Variants in ODAD2 observed in about 807,000 individuals in gnomAD.
ODAD2 encodes outer dynein arm-docking complex subunit 2.
ODAD2 carries 89 observed loss-of-function variants against 106.8 expected under a neutral mutation model. The ratio of observed to expected loss-of-function variants is 0.83; its 90% confidence interval spans 0.70 to 0.99. The LOEUF is 0.99. ODAD2 is among the 50% of genes least tolerant of loss of function. The pLI is 0.00. For synonymous variants in ODAD2, 404 were observed against 436.2 expected (o/e 0.93, Z 0.92); for missense variants, 1,168 against 1,238.5 (o/e 0.94, Z 0.85).
At chr10:27,846,243 C>G (rs909419094) in intron 19 of ODAD2, among the ~76,000 whole-genome samples, 4 of 152,112 alleles carry the variant, frequency 2.6e-5, no homozygotes, top group Admixed American at 2.6e-4. Flanking sequence ...ACAGTGCAAT[C>G]AAACTAGAAC....
At chr10:27,942,979 T>C (rs1222806650) in intron 12 of ODAD2, among the ~76,000 whole-genome samples, 1 of 152,176 alleles carries the variant, frequency 6.6e-6, no homozygotes, top group East Asian at 1.9e-4. Flanking sequence ...AAAATCCATA[T>C]TTATCCAACA....
At chr10:27,987,696 T>G (rs1053202830) in intron 2 of ODAD2, among the ~76,000 whole-genome samples, 153 bp from the exon 3 acceptor site, 3 of 152,126 alleles carry the variant, frequency 2.0e-5, no homozygotes, top group Non-Finnish European at 4.4e-5. Context: ...GTTTTCCCAC[T>G]TTCTTCCACA....
intron 16 of ODAD2, among the ~76,000 whole-genome samples, chr10:27,929,823 T>C (rs993598553): frequency 1.3e-5 from 2 of 152,166 alleles, no homozygotes; most frequent in Non-Finnish European, 2.9e-5. Context: ...ATGTACTTAT[T>C]TTTTCCCTTC....
chr10:27,981,998 T>C (rs1179852394), intron 6 of ODAD2: 1 of 153,112 alleles, frequency 6.5e-6, no homozygotes, highest in African/African-American at 2.4e-5. Flanking sequence ...CATTTCTGTT[T>C]GTCACACTCT....
At chr10:27,923,951 A>G (rs543852784) in intron 16 of ODAD2, among the ~76,000 whole-genome samples, 2 of 62,524 alleles carry the variant, frequency 3.2e-5, no homozygotes, top group African/African-American at 1.5e-4. Flanking sequence ...CTAATGAAAG[A>G]AAGAAAGAAA....
intron 10 of ODAD2, among the ~76,000 whole-genome samples, chr10:27,952,410 T>G (rs182712037): frequency 4.7e-4 from 72 of 152,180 alleles, no homozygotes; most frequent in Non-Finnish European, 9.3e-4. Context: ...TTTTTTTACC[T>G]TAAGTTCTAG....
At chr10:27,835,301 C>T (rs982920830) in intron 19 of ODAD2, among the ~76,000 whole-genome samples, 6 of 152,186 alleles carry the variant, frequency 3.9e-5, no homozygotes, top group African/African-American at 1.4e-4. Context: ...TGAGTTGGTT[C>T]AATGTACAGG....
intron 10 of ODAD2, chr10:27,957,541 G>C (rs1847821348): frequency 6.6e-6 from 1 of 152,184 alleles, no homozygotes; most frequent in Non-Finnish European, 1.5e-5. Context: ...GCTGAAAAGG[G>C]GGTTCATTGC....
chr10:27,885,714 T>TAATATATAA (rs1491302428), intron 17 of ODAD2, among the ~76,000 whole-genome samples: 1 of 57,868 alleles, frequency 1.7e-5, no homozygotes, highest in Non-Finnish European at 3.0e-5. Context: ...AAAATATATA[T>TAATATATAA]TATATATTAT....
chr10:27,812,830 A>G (rs1293604869), intron 19 of ODAD2, among the ~76,000 whole-genome samples: 1 of 152,182 alleles, frequency 6.6e-6, no homozygotes, highest in Non-Finnish European at 1.5e-5. Flanking sequence ...ACCTTTCTGG[A>G]GCTGAATTAG....
chr10:27,946,356 G>A (rs1373120218), intron 10 of ODAD2, among the ~76,000 whole-genome samples: 1 of 151,306 alleles, frequency 6.6e-6, no homozygotes, highest in East Asian at 1.9e-4. Flanking sequence ...AAATCTTCTT[G>A]TGAATTCAAC....
chr10:27,890,104 A>T (rs1842463204), intron 17 of ODAD2, among the ~76,000 whole-genome samples: 1 of 152,224 alleles, frequency 6.6e-6, no homozygotes, highest in Non-Finnish European at 1.5e-5. Flanking sequence ...TCATGGAACA[A>T]ATGTGTGCAA....
At chr10:27,839,142 T>C (rs777640473) in intron 19 of ODAD2, among the ~76,000 whole-genome samples, 1 of 152,302 alleles carries the variant, frequency 6.6e-6, no homozygotes, top group African/African-American at 2.4e-5. Context: ...ATGATGATGT[T>C]AAGAAAAGGA....
intron 17 of ODAD2, among the ~76,000 whole-genome samples, chr10:27,888,712 T>C (rs1296568269): frequency 6.6e-6 from 1 of 152,128 alleles, no homozygotes; most frequent in Non-Finnish European, 1.5e-5. Flanking sequence ...CCACAATATA[T>C]CCACATAACA....
chr10:27,812,569 A>G lies in ODAD2; in HGVS notation c.3078T>C (p.Gly1026=). The G allele has an allele frequency of 6.2e-7, 1 of 1,613,292 alleles. No homozygotes were observed. The highest frequency in any genetic ancestry group is 1.7e-5 in the Admixed American group (1 of 59,732). ...PDQDLQEAAA[G]CISNIRRLAL... ...CCAGCCTGCGGATATTGGATATACA[A>G]CCAGCTGCAGCTTCCTGGAGATCCT... The change falls in exon 20 of 20, where the codon GGT becomes GGC. Residue 1026 remains glycine, a synonymous_variant. Transcript: ENST00000305242.
At position 27,828,183 on chromosome 10, in the gene ODAD2, T is replaced by C. The variant is rs535369807; in HGVS notation, c.3022-15558A>G. Among the ~76,000 whole-genome samples the C allele has an allele frequency of 5.3e-5, 8 of 152,280 alleles. No homozygotes were observed. The East Asian group carries it at 1.5e-3, about 29-fold the overall frequency. The stretch of plus-strand genomic sequence containing the variant: ...TTGATAGGGACATCTCTGAAGTTTC[T>C]AAGGCAAAAGTCAGAAGACAGTGAG... On this transcript the variant is annotated intron_variant, in intron 19 of 19. Coordinates refer to ENST00000305242, the MANE Select transcript of ODAD2 (RefSeq NM_018076.5).
chr10:27,851,364 G>C (rs1164068514), intron 19 of ODAD2, among the ~76,000 whole-genome samples: 2 of 151,992 alleles, frequency 1.3e-5, no homozygotes, highest in African/African-American at 4.8e-5. Context: ...TAGATATCCT[G>C]TTCCCCCAAA....
At chr10:27,913,068 G>C (rs1844119308) in intron 16 of ODAD2, among the ~76,000 whole-genome samples, 1 of 152,128 alleles carries the variant, frequency 6.6e-6, no homozygotes, top group South Asian at 2.1e-4. Flanking sequence ...TAAACAATAT[G>C]ATTAGAAAGA....
intron 19 of ODAD2, among the ~76,000 whole-genome samples, chr10:27,856,195 A>G (rs1473367626): frequency 6.6e-6 from 1 of 152,214 alleles, no homozygotes; most frequent in African/African-American, 2.4e-5. Context: ...CTGGGCTGAT[A>G]CATTTGAAAA....
Sources: allele counts gnomAD v4.1 joint callset (sites outside exome capture counted in the v4.1 genomes callset), GRCh38; gene constraint gnomAD v4.1.1; transcripts MANE v1.5; gene names NCBI Gene and HGNC (gene_info 2026-07-23, HGNC 2026-07-21).